The following EPB41L4A variants were observed in gnomAD, a reference collection of about 807,000 sequenced individuals.
EPB41L4A encodes the protein erythrocyte membrane protein band 4.1 like 4A.
In EPB41L4A, 100 loss-of-function variants were observed where a neutral mutation model predicts 108.6. The ratio of observed to expected loss-of-function variants is 0.92; its 90% CI spans 0.78 to 1.09. The LOEUF (loss-of-function observed/expected upper bound fraction) is 1.09. EPB41L4A is among the 50% of genes least tolerant of loss of function. The pLI, the probability that EPB41L4A is intolerant of heterozygous loss-of-function variation, is 0.00. For synonymous variants in EPB41L4A, 319 were observed against 289.0 expected, an observed-to-expected ratio of 1.10 and a Z score of -1.05; for missense variants, 1,030 against 842.7, an observed-to-expected ratio of 1.22 and a Z score of -2.75.
intron 1 of EPB41L4A, among the ~76,000 whole-genome samples, chr5:112,358,464 A>T (rs1434110119): frequency 6.6e-6 from 1 of 152,236 alleles, no homozygotes; most frequent in Non-Finnish European, 1.5e-5. Flanking sequence ...ATACGTACCC[A>T]TGGTTGATTA....
chr5:112,153,515 C>T (rs1759544447), intron 12 of EPB41L4A, among the ~76,000 whole-genome samples: 2 of 136,156 alleles, frequency 1.5e-5, no homozygotes, highest in Non-Finnish European at 3.1e-5. Flanking sequence ...GGCAACAGAG[C>T]AAGACTCTGT....
intron 9 of EPB41L4A, among the ~76,000 whole-genome samples, chr5:112,241,417 A>G (rs1473723746): frequency 6.6e-6 from 1 of 152,254 alleles, no homozygotes; most frequent in Non-Finnish European, 1.5e-5. Flanking sequence ...CATGCTAATT[A>G]TTTTAATCCA....
intron 15 of EPB41L4A, among the ~76,000 whole-genome samples, chr5:112,198,331 C>T (rs1345548120): frequency 6.6e-6 from 1 of 152,182 alleles, no homozygotes; most frequent in African/African-American, 2.4e-5. Context: ...CCGTACATGG[C>T]TCCCAATGTC....
chr5:112,227,866 C>A (rs1208849875), intron 12 of EPB41L4A, among the ~76,000 whole-genome samples: 1 of 152,188 alleles, frequency 6.6e-6, no homozygotes, highest in African/African-American at 2.4e-5. Context: ...TTTGACTGCA[C>A]CTACCTTGGG....
intron 22 of EPB41L4A, 82 bp downstream of exon 22, chr5:112,168,657 C>G (rs1207312300): frequency 1.8e-6 from 2 of 1,096,564 alleles, no homozygotes; most frequent in African/African-American, 3.1e-5. Flanking sequence ...CCCTACCTCC[C>G]TAAAGGAACT....
At chr5:112,298,982 C>T (rs975194880) in intron 2 of EPB41L4A, among the ~76,000 whole-genome samples, 3 of 152,176 alleles carry the variant, frequency 2.0e-5, no homozygotes, top group African/African-American at 7.2e-5. Flanking sequence ...TCTGTGGTGT[C>T]AGTTGTAATA....
At chr5:112,155,283 C>T (rs1759608868) in intron 12 of EPB41L4A, among the ~76,000 whole-genome samples, 1 of 151,952 alleles carries the variant, frequency 6.6e-6, no homozygotes, top group African/African-American at 2.4e-5. Context: ...ACATATGTAT[C>T]TCTCAAACAA....
At chr5:112,220,817 G>C (rs578198840) in intron 12 of EPB41L4A, among the ~76,000 whole-genome samples, 13 of 152,238 alleles carry the variant, frequency 8.5e-5, no homozygotes, top group Middle Eastern at 6.8e-3. Flanking sequence ...TCCCTCATGT[G>C]ATAGATATCC....
intron 12 of EPB41L4A, among the ~76,000 whole-genome samples, chr5:112,154,225 TCCTCCAGTTCA>T (rs1759572299): frequency 6.6e-6 from 1 of 152,194 alleles, no homozygotes; most frequent in Non-Finnish European, 1.5e-5. Flanking sequence ...CACAACACTA[TCCTCCAGTTCA>T]CCTGACTCAT....
Position 112,407,952 on chromosome 5 carries a change from T to C in EPB41L4A, c.99+10989A>G, listed in dbSNP as rs1370114127. Among the ~76,000 whole-genome samples, 3 of 152,200 alleles carry C rather than the reference T, an allele frequency of 2.0e-5. No homozygotes were observed. The East Asian group carries it at 5.8e-4, about 29-fold the overall frequency. ...TGCTCCAGGAAGTTTACAGGAAATT[T>C]TTCTCAAAATATTAAATGTTTTTAA... On this transcript the variant is annotated intron_variant, in intron 1 of 22. Transcript: ENST00000261486.
intron 1 of EPB41L4A, among the ~76,000 whole-genome samples, chr5:112,404,087 C>A (rs1035806539): frequency 4.6e-5 from 7 of 152,158 alleles, no homozygotes; most frequent in African/African-American, 1.7e-4. Flanking sequence ...GAAAAACTGC[C>A]CCTTGCTTCA....
chr5:112,243,323 C>T (rs1233234532), intron 9 of EPB41L4A, among the ~76,000 whole-genome samples: 1 of 145,912 alleles, frequency 6.9e-6, no homozygotes, highest in Non-Finnish European at 1.5e-5. Flanking sequence ...CTAAGCCATG[C>T]TGTAAATAGG....
chr5:112,237,670 G>GA (rs1333127543), intron 11 of EPB41L4A, among the ~76,000 whole-genome samples: 1 of 152,182 alleles, frequency 6.6e-6, no homozygotes, highest in Non-Finnish European at 1.5e-5. Flanking sequence ...AATGTCTCAA[G>GA]AAAGGGGCAG....
chr5:112,354,643 A>G (rs911600109), intron 1 of EPB41L4A, among the ~76,000 whole-genome samples: 45 of 152,200 alleles, frequency 3.0e-4, no homozygotes, highest in Non-Finnish European at 1.3e-4. Flanking sequence ...TCCCCATGCC[A>G]TCTAGCTCCC....
At chr5:112,380,825 ACAC>A (rs1230935069) in intron 1 of EPB41L4A, among the ~76,000 whole-genome samples, 3 of 137,608 alleles carry the variant, frequency 2.2e-5, no homozygotes, top group Admixed American at 1.5e-4. Context: ...ACACACACAC[ACAC>A]AATTCAGCCA....
rs1437154191 is a variant in EPB41L4A at position 112,162,967 on chromosome 5, G to A, written c.*2023C>T. ...TGTTTTAGAACTGAGTCCTTACTGA[G>A]GCTTGTAAGATGGCTATTATGGGAG... On this transcript the variant is annotated 3_prime_UTR_variant, in exon 23 of 23. Coordinates refer to ENST00000261486, the MANE Select transcript of EPB41L4A (RefSeq NM_022140.5). 1 of 152,182 alleles carries A rather than the reference G, an allele frequency of 6.6e-6. No individual in the cohort carries two copies. Among genetic ancestry groups the A allele is most frequent in the Non-Finnish European group, 1.5e-5 (1 of 68,044 alleles). 9.4% of individuals were successfully genotyped at this position (152,182 alleles called of 1,614,324 possible). A position where few individuals can be genotyped will look rare whatever the true frequency, so the allele number is the denominator to read the frequency against.
rs558192959 is a variant in EPB41L4A, at chr5:112,406,787, A to G, written c.99+12154T>C. 1.4e-4 allele frequency among the ~76,000 whole-genome samples: 22 copies of G among 152,210 alleles called. No homozygotes were observed. In the East Asian group the frequency reaches 4.1e-3, roughly 28 times the overall value. On this transcript the variant is annotated intron_variant, in intron 1 of 22. Coordinates refer to ENST00000261486, the MANE Select transcript of EPB41L4A (RefSeq NM_022140.5). ...TGCAAAGACACAGTGAGTGAGCACCAAAAAAAGAACCAAGAGAAAAACCAG... is the reference window on the plus strand; with the variant it reads ...TGCAAAGACACAGTGAGTGAGCACCGAAAAAAGAACCAAGAGAAAAACCAG...
At chr5:112,204,243 A>T in intron 15 of EPB41L4A, 132 bp downstream of exon 15, 1 of 595,694 alleles carries the variant, frequency 1.7e-6, no homozygotes, top group Non-Finnish European at 3.0e-6. Flanking sequence ...ATTTTATGTC[A>T]AAAAGAGTAA....
At chr5:112,357,654 G>A (rs1249611938) in intron 1 of EPB41L4A, among the ~76,000 whole-genome samples, 2 of 152,164 alleles carry the variant, frequency 1.3e-5, no homozygotes, top group African/African-American at 2.4e-5. Flanking sequence ...ACTGTAACTA[G>A]TACATTTGCT....
Sources: allele counts gnomAD v4.1 joint callset (sites outside exome capture counted in the v4.1 genomes callset), GRCh38; gene constraint gnomAD v4.1.1; transcripts MANE v1.5; gene names NCBI Gene and HGNC (gene_info 2026-07-23, HGNC 2026-07-21).